Variants in TENM2 observed in about 807,000 individuals in gnomAD.
The protein encoded by TENM2 is teneurin transmembrane protein 2, also known as teneurin-2.
In TENM2, 52 loss-of-function variants were observed where a neutral mutation model predicts 245.2. That is an observed-to-expected ratio of 0.21 (90% CI 0.17 to 0.27). TENM2 has a LOEUF of 0.27. Ranked by LOEUF, TENM2 falls within the 10% of genes least tolerant of loss-of-function variation. TENM2 has a pLI of 1.00. For synonymous variants in TENM2, 1,363 were observed against 1,438.9 expected (o/e 0.95, Z 1.19); for missense variants, 3,046 against 3,666.8 (o/e 0.83, Z 4.37).
chr5:168,233,649 G>C (rs1765145289), intron 25 of TENM2, among the ~76,000 whole-genome samples: 1 of 152,156 alleles, frequency 6.6e-6, no homozygotes, highest in Admixed American at 6.5e-5. Flanking sequence ...GGAGAAGCTG[G>C]CCTCAGAGAC....
rs754312033 is a variant in TENM2 at position 167,606,852 on chromosome 5, T to A, written c.502+231379T>A. ...AGATATCAAAAGGGTTGCTCATCTC[T>A]AAAGTATTGTAAAAATATCATTTTC... On this transcript the variant is annotated intron_variant, in intron 2 of 28. Coordinates refer to ENST00000518659, the Ensembl canonical transcript of TENM2. Among the ~76,000 whole-genome samples, 87 of 152,310 alleles carry A rather than the reference T, an allele frequency of 5.7e-4. 4 individuals are homozygous for A. Among genetic ancestry groups the A allele is most frequent in the Middle Eastern group, 3.4e-3 (1 of 294 alleles).
chr5:168,164,049 C>T (rs1209306351), intron 13 of TENM2, among the ~76,000 whole-genome samples: 2 of 152,150 alleles, frequency 1.3e-5, no homozygotes, highest in Admixed American at 6.5e-5. Flanking sequence ...TGTGAAGGTT[C>T]AAGGCCCAGG....
intron 7 of TENM2, among the ~76,000 whole-genome samples, chr5:168,070,695 G>T (rs967932393): frequency 2.6e-5 from 4 of 151,234 alleles, no homozygotes; most frequent in African/African-American, 9.7e-5. Context: ...AGGCTGAGAT[G>T]GGAGGATTGC....
the TENM2 span, among the ~76,000 whole-genome samples, chr5:167,097,805 G>A: frequency 6.6e-6 from 1 of 152,072 alleles, no homozygotes; most frequent in Non-Finnish European, 1.5e-5. Flanking sequence ...TATTTTTCAT[G>A]TTTCTCAAGT....
At chr5:168,196,978 G>A (rs978181419) in intron 15 of TENM2, among the ~76,000 whole-genome samples, 4 of 152,168 alleles carry the variant, frequency 2.6e-5, no homozygotes, top group African/African-American at 7.2e-5. Context: ...TTGTAAAGCT[G>A]TGGAAGTCAC....
At chr5:167,666,492 A>G (rs1210231261) in intron 2 of TENM2, among the ~76,000 whole-genome samples, 1 of 152,240 alleles carries the variant, frequency 6.6e-6, no homozygotes, top group African/African-American at 2.4e-5. Context: ...GATATTGAAT[A>G]AAAACATTAC....
chr5:167,795,243 T>A (rs1279576045), intron 2 of TENM2, among the ~76,000 whole-genome samples: 1 of 152,136 alleles, frequency 6.6e-6, no homozygotes, highest in Non-Finnish European at 1.5e-5. Context: ...AGTATGGTTG[T>A]AGAAAGATTA....
At chr5:168,220,009 T>C (rs1763533165) in intron 23 of TENM2, among the ~76,000 whole-genome samples, 1 of 152,150 alleles carries the variant, frequency 6.6e-6, no homozygotes, top group Admixed American at 6.5e-5. Flanking sequence ...TTGCTTCCCC[T>C]GGTTCTGACT....
At chr5:168,063,743 A>T (rs117803100) in intron 7 of TENM2, among the ~76,000 whole-genome samples, 1 of 152,184 alleles carries the variant, frequency 6.6e-6, no homozygotes, top group African/African-American at 2.4e-5. Context: ...TACCTCCCAT[A>T]TAACTCTTAA....
chr5:167,774,708 G>A (rs1763639806), intron 2 of TENM2, among the ~76,000 whole-genome samples: 1 of 152,156 alleles, frequency 6.6e-6, no homozygotes, highest in Non-Finnish European at 1.5e-5. Context: ...AGGTCAAGAG[G>A]GGATGACAAA....
intron 4 of TENM2, among the ~76,000 whole-genome samples, chr5:167,979,530 C>T (rs548196451): frequency 1.3e-5 from 2 of 152,254 alleles, no homozygotes; most frequent in East Asian, 3.9e-4. Flanking sequence ...TGAAGATATA[C>T]ATCCACTGGG....
rs530118071 is a variant in TENM2, at chr5:167,866,225, G to A, written c.503-9761G>A. Among the ~76,000 whole-genome samples the A allele has an allele frequency of 1.6e-4, 24 of 152,304 alleles. 1 individual carries two copies. The South Asian group carries it at 2.5e-3, about 16-fold the overall frequency. On this transcript the variant is annotated intron_variant, in intron 2 of 28. Coordinates refer to ENST00000518659, the Ensembl canonical transcript of TENM2. ...TCTAGAAGGTGTTTGCCAGCTGGGC[G>A]TGGTGGCTCACGCCTGTAATCCCAG...
At chr5:167,964,164 A>G (rs1292423706) in intron 4 of TENM2, among the ~76,000 whole-genome samples, 2 of 152,198 alleles carry the variant, frequency 1.3e-5, no homozygotes, top group Non-Finnish European at 2.9e-5. Context: ...CTCTGCTGAA[A>G]GTGACAAGGT....
At chr5:167,519,560 T>G (rs2127580171) in intron 2 of TENM2, among the ~76,000 whole-genome samples, 1 of 152,202 alleles carries the variant, frequency 6.6e-6, no homozygotes, top group African/African-American at 2.4e-5. Context: ...AGCCAATAAG[T>G]CAACAGCTGA....
chr5:167,989,523 G>C (rs917925719), intron 4 of TENM2, among the ~76,000 whole-genome samples: 6 of 152,030 alleles, frequency 3.9e-5, no homozygotes, highest in Admixed American at 2.0e-4. Context: ...TAGAAACAAG[G>C]GTCAAAAAAT....
At chr5:167,174,796 T>C in the TENM2 span, among the ~76,000 whole-genome samples, 1 of 152,174 alleles carries the variant, frequency 6.6e-6, no homozygotes, top group Non-Finnish European at 1.5e-5. Flanking sequence ...GTTTGTATGC[T>C]TTGACCTACT....
intron 3 of TENM2, among the ~76,000 whole-genome samples, chr5:167,908,611 C>A (rs1480730519): frequency 1.1e-5 from 1 of 88,472 alleles, no homozygotes; most frequent in African/African-American, 4.6e-5. Context: ...CTTTTCCTCT[C>A]TCCTCCTCTC....
intron 2 of TENM2, among the ~76,000 whole-genome samples, chr5:167,589,245 T>A (rs113259494): frequency 6.6e-6 from 1 of 151,292 alleles, no homozygotes; most frequent in East Asian, 1.9e-4. Context: ...CATTAGAGAA[T>A]GATATATTTA....
intron 2 of TENM2, among the ~76,000 whole-genome samples, chr5:167,527,677 A>G (rs1465590304): frequency 1.3e-5 from 2 of 152,178 alleles, no homozygotes; most frequent in African/African-American, 4.8e-5. Context: ...CATCAAATAC[A>G]TTATTTGCAC....
Sources: gnomAD v4.1 joint callset for allele counts (sites outside exome capture counted in the v4.1 genomes callset) on GRCh38, gnomAD v4.1.1 for gene constraint, MANE v1.5 for transcripts, NCBI Gene and HGNC (gene_info 2026-07-23, HGNC 2026-07-21) for gene names.